Variants in PAQR5 observed in about 807,000 individuals in gnomAD.
PAQR5 encodes the protein progestin and adipoQ receptor family member 5, also known as membrane progestin receptor gamma.
A neutral mutation model predicts 34.5 loss-of-function variants in PAQR5; 20 were observed. The ratio of observed to expected loss-of-function variants is 0.58; its 90% CI spans 0.41 to 0.84. The LOEUF is 0.84. PAQR5 is among the 40% of genes least tolerant of loss of function. PAQR5 has a pLI of 0.00. For missense variants in PAQR5, 378 were observed against 412.7 expected (o/e 0.92, Z 0.73); for synonymous variants, 131 against 155.6 (o/e 0.84, Z 1.18).
intron 3 of PAQR5, among the ~76,000 whole-genome samples, chr15:69,368,961 G>A (rs2055479894): frequency 6.6e-6 from 1 of 151,890 alleles, no homozygotes. Flanking sequence ...TAGAGATGAG[G>A]GTGTCTCACT....
At chr15:69,310,829 G>A (rs774506502) in intron 1 of PAQR5, among the ~76,000 whole-genome samples, 23 of 151,746 alleles carry the variant, frequency 1.5e-4, no homozygotes, top group Non-Finnish European at 3.1e-4. Context: ...ATGAGGTCAG[G>A]AGATCAAGAC....
In PAQR5 at chr15:69,337,407, T is replaced by A. The variant is rs908720167; in HGVS notation, c.-210T>A. ...TGGAATGGCATGCTTCCTTTAAAGA[T>A]GAAAGTTGACTTTTAGAGCCAATTA... On this transcript the variant is annotated 5_prime_UTR_variant, in exon 2 of 9. The change abolishes an upstream ATG in the 5' untranslated region. Transcript: ENST00000395407. The A allele has an allele frequency of 6.6e-6, 1 of 152,298 alleles. No homozygotes were observed. Among genetic ancestry groups the A allele is most frequent in the East Asian group, 1.9e-4 (1 of 5,200 alleles). The allele number at this position is 152,298 out of a possible 1,614,324, so 9.4% of individuals were successfully genotyped here.
At chr15:69,398,697 C>T (rs2056531352) in intron 7 of PAQR5, among the ~76,000 whole-genome samples, 1 of 152,224 alleles carries the variant, frequency 6.6e-6, no homozygotes, top group Non-Finnish European at 1.5e-5. Flanking sequence ...CCCCTCACTC[C>T]TTCCTCAAGG....
At position 69,398,602 on chromosome 15, in the gene PAQR5, C is replaced by T. The variant is rs2056527731; in HGVS notation, c.609+1038C>T. ...GGACAAGGGGAGGGGCTGAGCTCCA[C>T]CCAGCAGCTGGGGCATTGAGCACGT... On this transcript the variant is annotated intron_variant, in intron 7 of 8. Coordinates refer to ENST00000395407, the MANE Select transcript of PAQR5 (RefSeq NM_017705.4). Among the ~76,000 whole-genome samples, 3 of 151,990 alleles carry T rather than the reference C, an allele frequency of 2.0e-5. No homozygotes were observed. The South Asian group carries it at 6.2e-4, about 32-fold the overall frequency.
chr15:69,333,365 A>C (rs1264671777), intron 1 of PAQR5, among the ~76,000 whole-genome samples: 1 of 152,228 alleles, frequency 6.6e-6, no homozygotes, highest in East Asian at 1.9e-4. Flanking sequence ...TAGGGGTATC[A>C]GAAATTACTT....
rs766298423 is a variant in PAQR5, at chr15:69,363,546, TTTG to T, written c.51+3418_51+3420del. Among the ~76,000 whole-genome samples the T allele has an allele frequency of 1.0e-3, 124 of 119,080 alleles. 46 individuals are homozygous for T. Among genetic ancestry groups the T allele is most frequent in the East Asian group, 5.1e-3 (20 of 3,940 alleles). 78.1% of individuals were successfully genotyped at this position (119,080 alleles called of 152,430 possible). A position where few individuals can be genotyped will look rare whatever the true frequency, so the allele number is the denominator to read the frequency against. On this transcript the variant is annotated intron_variant, in intron 3 of 8. Transcript: ENST00000395407. ...TCAAATTGCTAATCTGTTTTTTGTT[TTTG>T]TTTTTTTTTTTTTTTGAGACAGAGT...
intron 3 of PAQR5, among the ~76,000 whole-genome samples, chr15:69,373,862 C>T (rs973212884): frequency 6.6e-6 from 1 of 152,102 alleles, no homozygotes; most frequent in African/African-American, 2.4e-5. Context: ...CCTCAGTCTC[C>T]TAAAGTGCTG....
intron 6 of PAQR5, chr15:69,392,138 T>A (rs58280155): frequency 0.92 from 155,354 of 169,570 alleles, 71,807 homozygotes; most frequent in Non-Finnish European, 0.98. Context: ...GCTGGTTTTA[T>A]TTTATTTTTT....
chr15:69,311,256 C>T (rs1322094580), intron 1 of PAQR5, among the ~76,000 whole-genome samples: 2 of 151,428 alleles, frequency 1.3e-5, no homozygotes, highest in Non-Finnish European at 2.9e-5. Context: ...GATGGCTACA[C>T]GTTGAAAGAG....
At chr15:69,390,348 A>ATTTT (rs67519047) in intron 6 of PAQR5, among the ~76,000 whole-genome samples, 10,680 of 124,138 alleles carry the variant, frequency 0.086, 860 homozygotes, top group Non-Finnish European at 0.13. Flanking sequence ...TTATTTATTT[A>ATTTT]TTTATTTATT....
intron 3 of PAQR5, among the ~76,000 whole-genome samples, chr15:69,368,490 A>C (rs2055464594): frequency 6.6e-6 from 1 of 152,244 alleles, no homozygotes; most frequent in Non-Finnish European, 1.5e-5. Flanking sequence ...AACCTCTTGG[A>C]TCTGAAAACT....
chr15:69,316,672 C>T (rs921685130), intron 1 of PAQR5, among the ~76,000 whole-genome samples: 21 of 152,136 alleles, frequency 1.4e-4, no homozygotes, highest in East Asian at 3.9e-4. Context: ...TTTTGAGTCC[C>T]GGCTATGCAT....
At chr15:69,402,606 G>A (rs910979792) in intron 8 of PAQR5, among the ~76,000 whole-genome samples, 2 of 152,142 alleles carry the variant, frequency 1.3e-5, no homozygotes, top group South Asian at 2.1e-4. Context: ...GTGAACCACC[G>A]CGCCTGGCCT....
At chr15:69,342,241 C>T (rs557432518) in intron 2 of PAQR5, among the ~76,000 whole-genome samples, 1 of 151,846 alleles carries the variant, frequency 6.6e-6, no homozygotes, top group African/African-American at 2.4e-5. Context: ...GAGAATCTTT[C>T]CATGTGCCTA....
intron 5 of PAQR5, among the ~76,000 whole-genome samples, chr15:69,388,494 T>G (rs1240605799): frequency 6.6e-6 from 1 of 152,178 alleles, no homozygotes; most frequent in Non-Finnish European, 1.5e-5. Context: ...CTGGGCAGGG[T>G]CAGAAGCTCC....
intron 1 of PAQR5, among the ~76,000 whole-genome samples, chr15:69,326,373 G>A (rs2140639820): frequency 6.6e-6 from 1 of 151,602 alleles, no homozygotes; most frequent in East Asian, 1.9e-4. Context: ...GCCCAGGGCT[G>A]TTAGATCTTC....
chr15:69,378,264 T>TAA (rs71149912), intron 3 of PAQR5, among the ~76,000 whole-genome samples: 49,128 of 59,590 alleles, frequency 0.82, 22,038 homozygotes, highest in South Asian at 0.94. Context: ...GACTCCATCT[T>TAA]AAAAAAAAAA....
chr15:69,382,209 T>A (rs1034833868), intron 4 of PAQR5, among the ~76,000 whole-genome samples: 1 of 152,038 alleles, frequency 6.6e-6, no homozygotes, highest in Admixed American at 6.6e-5. Flanking sequence ...AAGAGGGACA[T>A]AGACAAACTA....
chr15:69,338,031 T>A (rs2054551412), intron 2 of PAQR5, among the ~76,000 whole-genome samples: 1 of 152,078 alleles, frequency 6.6e-6, no homozygotes, highest in South Asian at 2.1e-4. Flanking sequence ...GAGCTGAGAT[T>A]ACACCACTGC....
Sources: allele counts gnomAD v4.1 joint callset (sites outside exome capture counted in the v4.1 genomes callset), GRCh38; gene constraint gnomAD v4.1.1; transcripts MANE v1.5; gene names NCBI Gene and HGNC (gene_info 2026-07-23, HGNC 2026-07-21).